Variants in MAP3K5 observed in about 807,000 individuals in gnomAD.
MAP3K5 encodes the protein ASK-1.
In MAP3K5, 56 loss-of-function variants were observed where a neutral mutation model predicts 158.7. That is an observed-to-expected ratio of 0.35 (90% CI 0.28 to 0.44). MAP3K5 has a LOEUF of 0.44. MAP3K5 is among the 20% of genes least tolerant of loss of function. The probability of loss-of-function intolerance (pLI) is 1.00; values close to 1 mark genes in which losing one functional copy is unlikely to be tolerated. For synonymous variants in MAP3K5, 579 were observed against 601.7 expected (o/e 0.96, Z 0.55); for missense variants, 1,294 against 1,674.8 (o/e 0.77, Z 3.97).
At chr6:136,752,816 A>G (rs1437866045) in intron 1 of MAP3K5, among the ~76,000 whole-genome samples, 1 of 152,216 alleles carries the variant, frequency 6.6e-6, no homozygotes, top group Non-Finnish European at 1.5e-5. Context: ...GCAGAAGTTC[A>G]GCGTGGCTGG....
rs985350867 is a variant in MAP3K5 at position 136,676,189 on chromosome 6, A to C, written c.1254-6794T>G. Among the ~76,000 whole-genome samples the C allele has an allele frequency of 2.0e-5, 3 of 152,314 alleles. No homozygotes were observed. The East Asian group carries it at 5.8e-4, about 29-fold the overall frequency. ...CCTTAACAGCCTTGCTGACCAATGA[A>C]TCTCCGGTACTTGAATCATCAGAAT... On this transcript the variant is annotated intron_variant, in intron 7 of 29. Transcript: ENST00000359015.
chr6:136,592,904 CCCT>C, intron 21 of MAP3K5: 1 of 460,518 alleles, frequency 2.2e-6, no homozygotes, highest in Non-Finnish European at 4.2e-6. Flanking sequence ...GGGTCTGATC[CCCT>C]CATTTTTACT....
At chr6:136,634,732 A>G (rs1427296407) in intron 14 of MAP3K5, among the ~76,000 whole-genome samples, 1 of 151,806 alleles carries the variant, frequency 6.6e-6, no homozygotes, top group African/African-American at 2.4e-5. Context: ...GGTGCACGCC[A>G]CCATGCTCAG....
rs147950052 is a variant in MAP3K5, at chr6:136,737,022, T to C, written c.449-16433A>G. On this transcript the variant is annotated intron_variant, in intron 1 of 29. Transcript: ENST00000359015. The stretch of plus-strand genomic sequence containing the variant: ...TTTAATGTGACAAATTAATTTTACA[T>C]ATATATATGTGTGTGTATATATATA... 2.1e-3 allele frequency among the ~76,000 whole-genome samples: 281 copies of C among 130,912 alleles called. 5 individuals are homozygous for C. The East Asian group carries it at 0.028, about 13-fold the overall frequency. The allele number at this position is 130,912 out of a possible 152,430, so 85.9% of individuals were successfully genotyped here. A position where few individuals can be genotyped will look rare whatever the true frequency, so the allele number is the denominator to read the frequency against.
chr6:136,789,927 G>A (rs955428963), intron 1 of MAP3K5, among the ~76,000 whole-genome samples: 1 of 151,930 alleles, frequency 6.6e-6, no homozygotes, highest in Non-Finnish European at 1.5e-5. Context: ...CCTGACCTCA[G>A]GTGATCCACC....
At chr6:136,561,764 T>A (rs952904730) in intron 27 of MAP3K5, 119 bp from the exon 28 acceptor site, 35 of 601,360 alleles carry the variant, frequency 5.8e-5, no homozygotes, top group African/African-American at 5.6e-4. Flanking sequence ...AGAGAACAGT[T>A]CATAGAAACA....
intron 24 of MAP3K5, among the ~76,000 whole-genome samples, chr6:136,581,777 T>G (rs1279589855): frequency 3.9e-5 from 6 of 152,228 alleles, no homozygotes; most frequent in African/African-American, 1.4e-4. Flanking sequence ...GGTACCTTCA[T>G]TTCTTTAAAA....
Position 136,611,318 on chromosome 6 carries a change from G to C in MAP3K5, c.2485C>G (p.Leu829Val), listed in dbSNP as rs1488812338. 6.2e-7 allele frequency: 1 copy of C among 1,613,334 alleles called. No homozygotes were observed. The highest frequency in any genetic ancestry group is 1.7e-5 in the Admixed American group (1 of 60,002). ...KISDFGTSKR[L>V]AGINPCTETF... ...TCAGTACAGGGGTTTATGCCAGCAAGCCTCTTTGATGTTCCGAAGTCAGAG... is the reference window on the plus strand; with the variant it reads ...TCAGTACAGGGGTTTATGCCAGCAACCCTCTTTGATGTTCCGAAGTCAGAG... The change falls in exon 18 of 30, where the codon CTT becomes GTT. Residue 829 changes from leucine to valine, a missense_variant. By Grantham distance (32) the Leu-to-Val change is conservative. This residue lies in a region of MAP3K5 where 362 missense variants were observed against 463.2 expected (regional missense o/e 0.78). Coordinates refer to ENST00000359015, the MANE Select transcript of MAP3K5 (RefSeq NM_005923.4).
At chr6:136,636,288 T>C (rs569806270) in intron 14 of MAP3K5, among the ~76,000 whole-genome samples, 14 of 152,068 alleles carry the variant, frequency 9.2e-5, no homozygotes, top group Non-Finnish European at 1.9e-4. Context: ...GGGCACCTTC[T>C]ATGAGGAACA....
In MAP3K5 at chr6:136,656,989, T is replaced by C. The variant is rs559767546; in HGVS notation, c.1527-529A>G. Reference sequence around the variant, plus strand: ...ATAACGTTGGTTATTTTATCCCTATTTTAGAGAGGAGGAAACAGGCTTAGA... The same window carrying C: ...ATAACGTTGGTTATTTTATCCCTATCTTAGAGAGGAGGAAACAGGCTTAGA... On this transcript the variant is annotated intron_variant, in intron 9 of 29. Coordinates refer to ENST00000359015, the MANE Select transcript of MAP3K5 (RefSeq NM_005923.4). 1.6e-4 allele frequency among the ~76,000 whole-genome samples: 25 copies of C among 152,296 alleles called. No individual in the cohort carries two copies. The East Asian group carries it at 4.1e-3, about 25-fold the overall frequency.
chr6:136,775,398 G>A (rs1784365760), intron 1 of MAP3K5, among the ~76,000 whole-genome samples: 1 of 152,180 alleles, frequency 6.6e-6, no homozygotes, highest in Non-Finnish European at 1.5e-5. Context: ...TTGTAACCTA[G>A]TCCAGGTCTC....
chr6:136,591,476 T>C (rs980725794), intron 23 of MAP3K5, among the ~76,000 whole-genome samples: 2 of 152,260 alleles, frequency 1.3e-5, no homozygotes, highest in African/African-American at 4.8e-5. Flanking sequence ...TAAATGTATA[T>C]AGAGTTCACA....
intron 9 of MAP3K5, among the ~76,000 whole-genome samples, chr6:136,656,908 C>T (rs1778777727): frequency 1.3e-5 from 2 of 152,200 alleles, no homozygotes; most frequent in South Asian, 4.1e-4. Context: ...AGGTGTGAGC[C>T]ACCACGCCCA....
At chr6:136,583,476 A>T in intron 24 of MAP3K5, 79 bp downstream of exon 24, 1 of 1,312,728 alleles carries the variant, frequency 7.6e-7, no homozygotes, top group Non-Finnish European at 1.0e-6. Flanking sequence ...TAAAAGAAAA[A>T]TAACAGAACT....
At chr6:136,755,589 C>T (rs564591612) in intron 1 of MAP3K5, among the ~76,000 whole-genome samples, 3 of 150,794 alleles carry the variant, frequency 2.0e-5, no homozygotes, top group Admixed American at 6.6e-5. Flanking sequence ...TGGTGGCACA[C>T]GCCTGTGGTC....
intron 12 of MAP3K5, among the ~76,000 whole-genome samples, chr6:136,641,904 T>G (rs948287575): frequency 6.0e-5 from 9 of 150,694 alleles, no homozygotes; most frequent in African/African-American, 2.2e-4. Flanking sequence ...AGGAGAACAT[T>G]TTGGACCTGG....
intron 20 of MAP3K5, 66 bp from the exon 21 acceptor site, chr6:136,601,108 C>A: frequency 6.5e-7 from 1 of 1,531,022 alleles, no homozygotes; most frequent in Non-Finnish European, 9.0e-7. Context: ...ACTGAGAAAT[C>A]AACAAAAAAT....
intron 28 of MAP3K5, among the ~76,000 whole-genome samples, chr6:136,561,303 C>A (rs2129067985): frequency 6.6e-6 from 1 of 152,308 alleles, no homozygotes. Flanking sequence ...CTCGCCCTAT[C>A]TAATAAACAC....
chr6:136,699,087 T>A (rs942318909), intron 3 of MAP3K5, among the ~76,000 whole-genome samples: 1 of 152,060 alleles, frequency 6.6e-6, no homozygotes, highest in African/African-American at 2.4e-5. Context: ...GCTTCCTACA[T>A]GTAAGGTGAT....
Sources: gnomAD v4.1 joint callset for allele counts (sites outside exome capture counted in the v4.1 genomes callset) on GRCh38, gnomAD v4.1.1 for gene constraint, gnomAD v4.1.1 regional missense constraint, MANE v1.5 for transcripts, NCBI Gene and HGNC (gene_info 2026-07-23, HGNC 2026-07-21) for gene names.